SEC22A: variants seen among roughly 807,000 people sequenced by gnomAD.
SEC22A encodes SEC22 homolog A, vesicle trafficking protein, also known as vesicle-trafficking protein SEC22a.
A neutral mutation model predicts 35.3 loss-of-function variants in SEC22A; 22 were observed. That is an observed-to-expected ratio of 0.62 (90% CI 0.45 to 0.89). The LOEUF (loss-of-function observed/expected upper bound fraction) is 0.89, where lower values mean the gene tolerates loss of function less well. Among genes scored for constraint, SEC22A ranks in the 40% least tolerant of loss-of-function variants. SEC22A has a pLI of 0.00. For missense variants in SEC22A, 354 were observed against 362.5 expected (o/e 0.98, Z 0.19); for synonymous variants, 119 against 129.5 (o/e 0.92, Z 0.55).
chr3:123,217,705 A>G (rs1224515807), intron 2 of SEC22A, among the ~76,000 whole-genome samples: 1 of 152,230 alleles, frequency 6.6e-6, no homozygotes, highest in Non-Finnish European at 1.5e-5. Flanking sequence ...ATAATATATC[A>G]GTTCATAAAT....
At chr3:123,235,917 CATT>C (rs1182923606) in intron 4 of SEC22A, among the ~76,000 whole-genome samples, 3 of 152,158 alleles carry the variant, frequency 2.0e-5, no homozygotes, top group African/African-American at 7.2e-5. Context: ...ACCTTAAAAA[CATT>C]ATGCTAAATA....
At chr3:123,229,282 C>A (rs1254660226) in intron 4 of SEC22A, among the ~76,000 whole-genome samples, 1 of 152,142 alleles carries the variant, frequency 6.6e-6, no homozygotes, top group Non-Finnish European at 1.5e-5. Flanking sequence ...GTATAACAAA[C>A]CTGTCCCTGA....
At chr3:123,245,865 G>A (rs947973022) in intron 4 of SEC22A, 34 bp from the exon 5 acceptor site, 1 of 1,174,512 alleles carries the variant, frequency 8.5e-7, no homozygotes, top group Admixed American at 1.8e-5. Context: ...TGAGGTATTG[G>A]TGTTCATTTC....
At chr3:123,258,850 A>C (rs1418331990) in intron 5 of SEC22A, among the ~76,000 whole-genome samples, 1 of 152,186 alleles carries the variant, frequency 6.6e-6, no homozygotes, top group Admixed American at 6.5e-5. Flanking sequence ...TCGATAATGT[A>C]GATATTTAAG....
intron 4 of SEC22A, among the ~76,000 whole-genome samples, chr3:123,243,357 G>A (rs1937541144): frequency 1.3e-5 from 2 of 152,144 alleles, no homozygotes; most frequent in South Asian, 2.1e-4. Flanking sequence ...CTTGGTGCCT[G>A]GCGTGTTGAG....
At chr3:123,211,345 A>G (rs1156710465) in intron 2 of SEC22A, among the ~76,000 whole-genome samples, 1 of 152,176 alleles carries the variant, frequency 6.6e-6, no homozygotes, top group Non-Finnish European at 1.5e-5. Flanking sequence ...GGAAGGGGCA[A>G]AGATGACTGA....
At chr3:123,249,982 CTG>C (rs765008610) in intron 5 of SEC22A, among the ~76,000 whole-genome samples, 2 of 152,178 alleles carry the variant, frequency 1.3e-5, no homozygotes, top group African/African-American at 2.4e-5. Context: ...TTTAGGAGCT[CTG>C]TGTCAGGAAT....
At chr3:123,211,420 T>C (rs539936451) in intron 2 of SEC22A, among the ~76,000 whole-genome samples, 1 of 152,080 alleles carries the variant, frequency 6.6e-6, no homozygotes, top group South Asian at 2.1e-4. Flanking sequence ...ACAGACTGTT[T>C]ATGAGGTGTG....
At chr3:123,204,221 CTT>C (rs1288122852) in intron 1 of SEC22A, among the ~76,000 whole-genome samples, 3 of 152,088 alleles carry the variant, frequency 2.0e-5, no homozygotes, top group African/African-American at 7.2e-5. Context: ...AGGAGAAAAA[CTT>C]AACATCTCAA....
chr3:123,224,315 A>G (rs1265953179), intron 3 of SEC22A, among the ~76,000 whole-genome samples: 5 of 152,158 alleles, frequency 3.3e-5, no homozygotes, highest in Non-Finnish European at 7.3e-5. Context: ...TTCCACTTGG[A>G]AAATATTTAG....
Sources: allele counts gnomAD v4.1 joint callset (sites outside exome capture counted in the v4.1 genomes callset), GRCh38; gene constraint gnomAD v4.1.1; transcripts MANE v1.5; gene names NCBI Gene and HGNC (gene_info 2026-07-23, HGNC 2026-07-21).